FRMD6: variants seen among roughly 807,000 people sequenced by gnomAD.
FRMD6 encodes FERM domain-containing protein 6.
A neutral mutation model predicts 73.2 loss-of-function variants in FRMD6; 37 were observed. The ratio of observed to expected loss-of-function variants is 0.51; its 90% CI spans 0.39 to 0.66. FRMD6 has a LOEUF of 0.66. Among genes scored for constraint, FRMD6 ranks in the 30% least tolerant of loss-of-function variants. The pLI is 0.00. For synonymous variants in FRMD6, 273 were observed against 282.2 expected (o/e 0.97, Z 0.33); for missense variants, 714 against 780.5 (o/e 0.91, Z 1.02).
chr14:51,486,730 G>C (rs1372348557), upstream of FRMD6, among the ~76,000 whole-genome samples: 1 of 152,174 alleles, frequency 6.6e-6, no homozygotes, highest in Non-Finnish European at 1.5e-5. Context: ...AATTCTGGTT[G>C]TGGGTATGCT....
At chr14:51,688,685 G>A (rs1043764765) in intron 1 of FRMD6, among the ~76,000 whole-genome samples, 19 of 152,256 alleles carry the variant, frequency 1.2e-4, no homozygotes, top group African/African-American at 4.1e-4. Context: ...TTTGACAGAC[G>A]ACTAGTCTTG....
intron 1 of FRMD6, among the ~76,000 whole-genome samples, chr14:51,683,671 T>C (rs1894963141): frequency 6.6e-6 from 1 of 152,036 alleles, no homozygotes; most frequent in Admixed American, 6.6e-5. Context: ...ATTTAACCCT[T>C]CCAATAATCT....
At chr14:51,458,415 T>C in the FRMD6 span, among the ~76,000 whole-genome samples, 1 of 152,230 alleles carries the variant, frequency 6.6e-6, no homozygotes, top group African/African-American at 2.4e-5. Context: ...TGTCTTATCT[T>C]CAAGCTGTTC....
At chr14:51,656,007 C>T (rs1892794223) in intron 1 of FRMD6, among the ~76,000 whole-genome samples, 1 of 152,220 alleles carries the variant, frequency 6.6e-6, no homozygotes, top group African/African-American at 2.4e-5. Flanking sequence ...TTTGAGGAAA[C>T]TACTAATGTC....
intron 2 of FRMD6, among the ~76,000 whole-genome samples, chr14:51,619,934 A>G (rs1280785312): frequency 6.6e-6 from 1 of 152,226 alleles, no homozygotes; most frequent in East Asian, 1.9e-4. Flanking sequence ...GCAGAAGGCA[A>G]CGGGGTAATT....
chr14:51,567,229 T>G (rs1566818429), intron 1 of FRMD6, among the ~76,000 whole-genome samples: 1 of 152,226 alleles, frequency 6.6e-6, no homozygotes, highest in Non-Finnish European at 1.5e-5. Flanking sequence ...AAGTTGTTAA[T>G]GTTGGCAACT....
the FRMD6 span, among the ~76,000 whole-genome samples, chr14:51,484,024 T>A: frequency 6.6e-6 from 1 of 152,194 alleles, no homozygotes; most frequent in East Asian, 1.9e-4. Flanking sequence ...CGTTACACCA[T>A]GTTGTCTTAG....
At chr14:51,477,592 C>G in the FRMD6 span, among the ~76,000 whole-genome samples, 4 of 151,702 alleles carry the variant, frequency 2.6e-5, no homozygotes, top group South Asian at 8.3e-4. Flanking sequence ...CTGACAGATG[C>G]TGTTGAAAAA....
At chr14:51,412,393 A>C in the FRMD6 span, among the ~76,000 whole-genome samples, 1 of 152,140 alleles carries the variant, frequency 6.6e-6, no homozygotes, top group Non-Finnish European at 1.5e-5. Flanking sequence ...TGCGCCCAGG[A>C]GACAGGTCTA....
the FRMD6 span, among the ~76,000 whole-genome samples, chr14:51,456,080 GC>G: frequency 6.6e-6 from 1 of 152,298 alleles, no homozygotes; most frequent in Non-Finnish European, 1.5e-5. Context: ...GCTTGAGGGG[GC>G]TCTGGGTGGG....
chr14:51,681,527 T>C (rs1594722533), intron 1 of FRMD6, among the ~76,000 whole-genome samples: 1 of 152,248 alleles, frequency 6.6e-6, no homozygotes, highest in East Asian at 1.9e-4. Flanking sequence ...TGCCCAAGGG[T>C]ACCCAGGTGG....
the FRMD6 span, among the ~76,000 whole-genome samples, chr14:51,425,726 AC>A: frequency 1.3e-5 from 2 of 151,656 alleles, no homozygotes; most frequent in Non-Finnish European, 2.9e-5. Context: ...CAGATAACCT[AC>A]CCCAGACCAC....
At chr14:51,721,502 C>T (rs569846013) in intron 11 of FRMD6, among the ~76,000 whole-genome samples, 3 of 152,068 alleles carry the variant, frequency 2.0e-5, no homozygotes, top group African/African-American at 7.2e-5. Flanking sequence ...CCCAGCTACT[C>T]GGGAGGCTGA....
At chr14:51,668,905 G>A (rs778285943) in intron 1 of FRMD6, among the ~76,000 whole-genome samples, 1 of 151,816 alleles carries the variant, frequency 6.6e-6, no homozygotes, top group African/African-American at 2.4e-5. Context: ...CTGACCTCAA[G>A]TGATCCACCC....
chr14:51,412,978 T>C, the FRMD6 span, among the ~76,000 whole-genome samples: 8 of 151,070 alleles, frequency 5.3e-5, no homozygotes, highest in East Asian at 1.4e-3. Flanking sequence ...TGATTTACCT[T>C]GCCATAGTTA....
chr14:51,722,106 TC>T (rs1324393169), intron 12 of FRMD6, 26 bp downstream of exon 12: 2 of 1,612,686 alleles, frequency 1.2e-6, no homozygotes, highest in African/African-American at 1.3e-5. Context: ...AAGTTATTCT[TC>T]CTTGGTAGCA....
chr14:51,592,028 T>C (rs1325618926), intron 2 of FRMD6, among the ~76,000 whole-genome samples: 1 of 152,216 alleles, frequency 6.6e-6, no homozygotes, highest in East Asian at 1.9e-4. Context: ...CCCATACCTA[T>C]ATATACTCCA....
At chr14:51,408,479 A>G in the FRMD6 span, among the ~76,000 whole-genome samples, 6 of 152,076 alleles carry the variant, frequency 3.9e-5, no homozygotes, top group Non-Finnish European at 8.8e-5. Context: ...ATTTATTTCT[A>G]TATGTTGTAT....
chr14:51,435,451 A>G, the FRMD6 span, among the ~76,000 whole-genome samples: 2 of 151,858 alleles, frequency 1.3e-5, no homozygotes, highest in Non-Finnish European at 2.9e-5. Flanking sequence ...AAGTGTAAAC[A>G]TTAAAAAGAA....
Sources: allele counts gnomAD v4.1 joint callset (sites outside exome capture counted in the v4.1 genomes callset), GRCh38; gene constraint gnomAD v4.1.1; transcripts MANE v1.5; gene names NCBI Gene and HGNC (gene_info 2026-07-23, HGNC 2026-07-21).